Variants in OR2M3 observed in about 807,000 individuals in gnomAD.
The protein encoded by OR2M3 is olfactory receptor 2M3.
In OR2M3, 1 loss-of-function variant was observed where a neutral mutation model predicts 4.3. The ratio of observed to expected loss-of-function variants is 0.23; its 90% CI spans 0.08 to 1.11. The LOEUF (loss-of-function observed/expected upper bound fraction) is 1.11. Among genes scored for constraint, OR2M3 ranks in the 50% most tolerant of loss-of-function variants. The pLI is 0.54. For synonymous variants in OR2M3, 151 were observed against 139.4 expected, an observed-to-expected ratio of 1.08 and a Z score of -0.59; for missense variants, 410 against 390.4, an observed-to-expected ratio of 1.05 and a Z score of -0.42.
intron 1 of OR2M3, among the ~76,000 whole-genome samples, chr1:248,202,813 A>T (rs186652586): frequency 6.6e-6 from 1 of 152,050 alleles, no homozygotes; most frequent in African/African-American, 2.4e-5. Flanking sequence ...TATAATTCTA[A>T]TTTTTCAATG....
Position 248,208,675 on chromosome 1 carries a change from CT to C in OR2M3, c.*4670del, listed in dbSNP as rs1666248780. Reference sequence around the variant, plus strand: ...CAATCCCTTCTAGCTTGTAGGGCTTCTGCTAATAAATCTGCTAATAAATCTG... The same window carrying C: ...CAATCCCTTCTAGCTTGTAGGGCTTCGCTAATAAATCTGCTAATAAATCTG... On this transcript the variant is annotated 3_prime_UTR_variant, in exon 2 of 2. Coordinates refer to ENST00000641626, the MANE Select transcript of OR2M3 (RefSeq NM_001004689.2). 1 of 148,842 alleles carries C rather than the reference CT, an allele frequency of 6.7e-6. No homozygotes were observed. Among genetic ancestry groups the C allele is most frequent in the East Asian group, 1.9e-4 (1 of 5,190 alleles). The allele number at this position is 148,842 out of a possible 1,614,324, so 9.2% of individuals were successfully genotyped here.
Position 248,203,672 on chromosome 1 carries a change from G to T in OR2M3, c.605G>T (p.Cys202Phe), listed in dbSNP as rs1442062884. ...TSIFEKILFICCIVMIVFPVA... is the reference protein window; with the variant it reads ...TSIFEKILFIFCIVMIVFPVA... ...ATATTTGAAAAGATTCTTTTCATCTGCTGTATAGTAATGATTGTTTTCCCT... is the reference window on the plus strand; with the variant it reads ...ATATTTGAAAAGATTCTTTTCATCTTCTGTATAGTAATGATTGTTTTCCCT... The change falls in exon 2 of 2, where the codon TGC (cysteine) becomes TTC (phenylalanine). Residue 202 changes from cysteine (C) to phenylalanine (F), a missense_variant. Cys to Phe is a radical substitution (Grantham distance 205). Coordinates refer to ENST00000641626, the MANE Select transcript of OR2M3 (RefSeq NM_001004689.2). 6.2e-7 allele frequency: 1 copy of T among 1,613,598 alleles called. No homozygotes were observed. The highest frequency in any genetic ancestry group is 8.5e-7 in the Non-Finnish European group (1 of 1,179,820).
At position 248,204,090 on chromosome 1, in the gene OR2M3, G is replaced by A; in HGVS notation, c.*84G>A. 7.7e-7 allele frequency: 1 copy of A among 1,300,766 alleles called. No individual in the cohort carries two copies. Among genetic ancestry groups the A allele is most frequent in the Non-Finnish European group, 1.1e-6 (1 of 910,540 alleles). The allele number at this position is 1,300,766 out of a possible 1,614,324, so 80.6% of individuals were successfully genotyped here. On this transcript the variant is annotated 3_prime_UTR_variant, in exon 2 of 2. Coordinates refer to ENST00000641626, the MANE Select transcript of OR2M3 (RefSeq NM_001004689.2). Reference sequence around the variant, plus strand: ...TTTTTCCATTAAGCCTTGAAAATGGGATTCATTGTGTACATAAATCTGCAA... The same window carrying A: ...TTTTTCCATTAAGCCTTGAAAATGGAATTCATTGTGTACATAAATCTGCAA...
In OR2M3 at chr1:248,207,997, T is replaced by G. The variant is rs73140150; in HGVS notation, c.*3991T>G. 6.3e-3 allele frequency: 955 copies of G among 152,170 alleles called. 6 individuals carry two copies. Among genetic ancestry groups the G allele is most frequent in the African/African-American group, 0.022 (897 of 41,524 alleles). 9.4% of individuals were successfully genotyped at this position (152,170 alleles called of 1,614,324 possible). ...TATAAATTTGAGAGTTCCACTGTTA[T>G]GTGCAAATATATTTTGGATTGTAAT... On this transcript the variant is annotated 3_prime_UTR_variant, in exon 2 of 2. Coordinates refer to ENST00000641626, the MANE Select transcript of OR2M3 (RefSeq NM_001004689.2).
At position 248,208,361 on chromosome 1, in the gene OR2M3, C is replaced by T. The variant is rs905907074; in HGVS notation, c.*4355C>T. Reference sequence around the variant, plus strand: ...ATTCTATACATCGTGCTATTTGTTACCTGAATATCTGAAGTTTTTTTGTTT... The same window carrying T: ...ATTCTATACATCGTGCTATTTGTTATCTGAATATCTGAAGTTTTTTTGTTT... On this transcript the variant is annotated 3_prime_UTR_variant, in exon 2 of 2. Coordinates refer to ENST00000641626, the MANE Select transcript of OR2M3 (RefSeq NM_001004689.2). The T allele has an allele frequency of 2.6e-5, 4 of 151,962 alleles. No homozygotes were observed. Among genetic ancestry groups the T allele is most frequent in the African/African-American group, 9.7e-5 (4 of 41,370 alleles). The allele number at this position is 151,962 out of a possible 1,614,324, so 9.4% of individuals were successfully genotyped here.
Position 248,211,027 on chromosome 1 carries a change from T to C in OR2M3, c.*7021T>C, listed in dbSNP as rs1292785834. The C allele has an allele frequency of 1.3e-5, 2 of 152,198 alleles. No homozygotes were observed. Among genetic ancestry groups the C allele is most frequent in the Non-Finnish European group, 2.9e-5 (2 of 68,042 alleles). The allele number at this position is 152,198 out of a possible 1,614,324, so 9.4% of individuals were successfully genotyped here. ...ATTAAAGTTTTCTGTTTATTCAGTA[T>C]CATAAATGTTGAAGTATGCACCAAG... On this transcript the variant is annotated 3_prime_UTR_variant, in exon 2 of 2. Transcript: ENST00000641626.
Position 248,202,317 on chromosome 1 carries a change from A to G in OR2M3, c.-18-733A>G, listed in dbSNP as rs182077032. On this transcript the variant is annotated intron_variant, in intron 1 of 1. Transcript: ENST00000641626. Reference sequence around the variant, plus strand: ...TCAGTCTTTGCATGGCCACCCTCTTATCAGAACATGAGTCATAACTGATTA... The same window carrying G: ...TCAGTCTTTGCATGGCCACCCTCTTGTCAGAACATGAGTCATAACTGATTA... Among the ~76,000 whole-genome samples, 342 of 152,050 alleles carry G rather than the reference A, an allele frequency of 2.2e-3. 2 individuals carry two copies. The highest frequency in any genetic ancestry group is 0.01 in the Middle Eastern group (3 of 294).
chr1:248,204,090 GATTC>G lies in OR2M3; in HGVS notation c.*88_*91del. On this transcript the variant is annotated 3_prime_UTR_variant, in exon 2 of 2. Coordinates refer to ENST00000641626, the MANE Select transcript of OR2M3 (RefSeq NM_001004689.2). The stretch of plus-strand genomic sequence containing the variant: ...TTTTTCCATTAAGCCTTGAAAATGG[GATTC>G]ATTGTGTACATAAATCTGCAATGAC... The G allele has an allele frequency of 1.5e-6, 2 of 1,300,766 alleles. No homozygotes were observed. The highest frequency in any genetic ancestry group is 2.2e-6 in the Non-Finnish European group (2 of 910,540). The allele number at this position is 1,300,766 out of a possible 1,614,324, so 80.6% of individuals were successfully genotyped here.
chr1:248,211,947 G>A lies in OR2M3; in HGVS notation c.*7941G>A, dbSNP rs1389704207. On this transcript the variant is annotated 3_prime_UTR_variant, in exon 2 of 2. Transcript: ENST00000641626. ...AGAGAATCAAATTTTTCTAAAATTG[G>A]TCAATTGTTTTAGCATTTCTGCTCT... The A allele has an allele frequency of 1.3e-5, 2 of 152,056 alleles. No homozygotes were observed. Among genetic ancestry groups the A allele is most frequent in the Non-Finnish European group, 2.9e-5 (2 of 68,006 alleles). The allele number at this position is 152,056 out of a possible 1,614,324, so 9.4% of individuals were successfully genotyped here.
intron 1 of OR2M3, 111 bp from the exon 2 acceptor site, chr1:248,202,939 T>G (rs1200920763): frequency 1.1e-6 from 1 of 931,972 alleles, no homozygotes; most frequent in Non-Finnish European, 1.6e-6. Context: ...AGTTTCCTAC[T>G]TCTATTCATG....
Position 248,203,570 on chromosome 1 carries a change from A to G in OR2M3, c.503A>G (p.Tyr168Cys). The change falls in exon 2 of 2, where the codon TAC (tyrosine) becomes TGC (cysteine). Residue 168 changes from tyrosine (Y) to cysteine (C), a missense_variant. Coordinates refer to ENST00000641626, the MANE Select transcript of OR2M3 (RefSeq NM_001004689.2). ...GTTGTAGCAACATTTTCCTTCTCCT[A>G]CTGTGGGTCTCGGGAAATAGCCCAC... The part of the protein sequence containing the change: ...IDVVATFSFS[Y>C]CGSREIAHFF... 1 of 1,613,410 alleles carries G rather than the reference A, an allele frequency of 6.2e-7. No individual in the cohort carries two copies. The highest frequency in any genetic ancestry group is 8.5e-7 in the Non-Finnish European group (1 of 1,179,682).
chr1:248,199,315 G>T (rs1210133360), intron 1 of OR2M3, among the ~76,000 whole-genome samples: 1 of 152,042 alleles, frequency 6.6e-6, no homozygotes, highest in Non-Finnish European at 1.5e-5. Context: ...CATAATTTCA[G>T]ATCCTTTCTG....
intron 1 of OR2M3, among the ~76,000 whole-genome samples, chr1:248,197,960 G>GA (rs1666115228): frequency 1.3e-5 from 2 of 151,994 alleles, no homozygotes; most frequent in Admixed American, 6.6e-5. Flanking sequence ...TCCAAAGTGT[G>GA]AAAAAGAATC....
At chr1:248,202,979 C>T in intron 1 of OR2M3, 71 bp from the exon 2 acceptor site, 1 of 1,366,838 alleles carries the variant, frequency 7.3e-7, no homozygotes, top group Non-Finnish European at 1.0e-6. Context: ...ACAGAAGTTA[C>T]CACAATCACA....
chr1:248,200,739 TA>T (rs1666146287), intron 1 of OR2M3, among the ~76,000 whole-genome samples: 1 of 152,276 alleles, frequency 6.6e-6, no homozygotes, highest in East Asian at 1.9e-4. Flanking sequence ...GTCCTTGGGT[TA>T]AAATTTAACA....
At chr1:248,202,919 T>C (rs1197250038) in intron 1 of OR2M3, 131 bp from the exon 2 acceptor site, 1 of 795,074 alleles carries the variant, frequency 1.3e-6, no homozygotes, top group Non-Finnish European at 2.0e-6. Flanking sequence ...TCTATATTTC[T>C]TGACCTTTTA....
intron 1 of OR2M3, among the ~76,000 whole-genome samples, chr1:248,200,863 C>T (rs1283022039): frequency 6.6e-6 from 1 of 152,074 alleles, no homozygotes; most frequent in Non-Finnish European, 1.5e-5. Flanking sequence ...TTTATCTCAA[C>T]TCATGAGGCC....
Position 248,205,433 on chromosome 1 carries a change from T to G in OR2M3, c.*1427T>G, listed in dbSNP as rs1666214390. On this transcript the variant is annotated 3_prime_UTR_variant, in exon 2 of 2. Transcript: ENST00000641626. ...AATCTTTATGTTTTCAGTACTTAGA[T>G]TTAAGGTTTTTATCCATCTTGAGTT... is the stretch of plus-strand genomic sequence containing the variant. 2 of 152,256 alleles carry G rather than the reference T, an allele frequency of 1.3e-5. No homozygotes were observed. The highest frequency in any genetic ancestry group is 1.3e-4 in the Admixed American group (2 of 15,290). The allele number at this position is 152,256 out of a possible 1,614,324, so 9.4% of individuals were successfully genotyped here. A position where few individuals can be genotyped will look rare whatever the true frequency, so the allele number is the denominator to read the frequency against.
In OR2M3 at chr1:248,211,445, T is replaced by C. The variant is rs1330377307; in HGVS notation, c.*7439T>C. ...GATACTTAAACATTTTATTAATAAT[T>C]ACAGGACTTATATTGAAATTTAGAA... On this transcript the variant is annotated 3_prime_UTR_variant, in exon 2 of 2. Transcript: ENST00000641626. 2 of 152,114 alleles carry C rather than the reference T, an allele frequency of 1.3e-5. No individual in the cohort carries two copies. 9.4% of individuals were successfully genotyped at this position (152,114 alleles called of 1,614,324 possible).
Sources: gnomAD v4.1 joint callset for allele counts (sites outside exome capture counted in the v4.1 genomes callset) on GRCh38, gnomAD v4.1.1 for gene constraint, MANE v1.5 for transcripts, NCBI Gene and HGNC (gene_info 2026-07-23, HGNC 2026-07-21) for gene names.